Variants in STPG2 observed in about 807,000 individuals in gnomAD.
STPG2 encodes the protein sperm tail PG-rich repeat containing 2, also known as sperm-tail PG-rich repeat-containing protein 2.
In STPG2, 56 loss-of-function variants were observed where a neutral mutation model predicts 54.2. That is an observed-to-expected ratio of 1.03 (90% CI 0.83 to 1.29). The LOEUF (loss-of-function observed/expected upper bound fraction) is 1.29, where lower values mean the gene tolerates loss of function less well. Ranked by LOEUF, STPG2 falls within the 50% of genes most tolerant of loss-of-function variation. The pLI, the probability that STPG2 is intolerant of heterozygous loss-of-function variation, is 0.00. For synonymous variants in STPG2, 200 were observed against 181.8 expected (o/e 1.10, Z -0.81); for missense variants, 596 against 544.9 (o/e 1.09, Z -0.93).
intron 9 of STPG2, among the ~76,000 whole-genome samples, chr4:97,792,042 A>C (rs1048629595): frequency 2.6e-5 from 4 of 152,214 alleles, no homozygotes; most frequent in Non-Finnish European, 5.9e-5. Flanking sequence ...TAAAGAGATG[A>C]CAATTAAAGT....
intron 5 of STPG2, among the ~76,000 whole-genome samples, chr4:98,098,039 A>G (rs1738912773): frequency 6.6e-6 from 1 of 152,172 alleles, no homozygotes; most frequent in Non-Finnish European, 1.5e-5. Flanking sequence ...TAAAATGCCC[A>G]TGATACCCAA....
rs567078446 is a variant in STPG2, at chr4:98,019,460, G to A, written c.613-38142C>T. Among the ~76,000 whole-genome samples the A allele has an allele frequency of 1.1e-3, 169 of 151,958 alleles. 1 individual carries two copies. Among genetic ancestry groups the A allele is most frequent in the South Asian group, 1.9e-3 (9 of 4,808 alleles). On this transcript the variant is annotated intron_variant, in intron 5 of 10. Transcript: ENST00000295268. ...TGAAGTCAGGTAGCATGATGCCTCCGGGTTTATTCTTTTGGCTTAGGATTG... is the reference window on the plus strand; with the variant it reads ...TGAAGTCAGGTAGCATGATGCCTCCAGGTTTATTCTTTTGGCTTAGGATTG...
At chr4:97,824,029 G>A (rs1479178752) in intron 9 of STPG2, among the ~76,000 whole-genome samples, 2 of 152,090 alleles carry the variant, frequency 1.3e-5, no homozygotes, top group African/African-American at 4.8e-5. Context: ...TATTCTCTTT[G>A]GATTAATCTG....
rs185499221 is a variant in STPG2, at chr4:97,758,809, A to G, written c.1205-45995T>C. ...GTAAAATTTTAAAAAAATGACAGAC[A>G]TTTGGTTTTATTTTGTTCTGGCATT... On this transcript the variant is annotated intron_variant, in intron 9 of 10. Transcript: ENST00000295268. Among the ~76,000 whole-genome samples the G allele has an allele frequency of 1.0e-2, 1,519 of 152,164 alleles. 12 individuals carry two copies. The highest frequency in any genetic ancestry group is 0.015 in the Non-Finnish European group (1,003 of 68,004).
intron 1 of STPG2, among the ~76,000 whole-genome samples, chr4:98,141,905 A>G (rs1410671121): frequency 6.8e-6 from 1 of 147,114 alleles, no homozygotes; most frequent in Non-Finnish European, 1.5e-5. Context: ...TTAGGTCCCA[A>G]TCATGTTCCC....
intron 5 of STPG2, among the ~76,000 whole-genome samples, chr4:98,076,711 T>A (rs1195874955): frequency 1.3e-5 from 2 of 152,164 alleles, no homozygotes; most frequent in Non-Finnish European, 2.9e-5. Flanking sequence ...GCCAGCAATA[T>A]CTCTAAAGGT....
Position 98,028,664 on chromosome 4 carries a change from G to A in STPG2, c.613-47346C>T, listed in dbSNP as rs72882656. 3.5e-3 allele frequency among the ~76,000 whole-genome samples: 531 copies of A among 152,082 alleles called. 3 individuals are homozygous for A. Among genetic ancestry groups the A allele is most frequent in the African/African-American group, 0.012 (508 of 41,506 alleles). ...ACCTCATTTAATAGTTCCTTGTTTC[G>A]TTGTGGAGAACAGAGCTACAGAATT... On this transcript the variant is annotated intron_variant, in intron 5 of 10. Transcript: ENST00000295268.
chr4:97,573,305 A>G (rs1340737289), intron 10 of STPG2, among the ~76,000 whole-genome samples: 1 of 152,072 alleles, frequency 6.6e-6, no homozygotes, highest in Non-Finnish European at 1.5e-5. Flanking sequence ...TATAGCTAAT[A>G]TAAGGTTTTA....
In STPG2 at chr4:97,931,534, A is replaced by G. The variant is rs757801944; in HGVS notation, c.1044+12363T>C. Among the ~76,000 whole-genome samples, 141 of 152,206 alleles carry G rather than the reference A, an allele frequency of 9.3e-4. 2 individuals carry two copies. The highest frequency in any genetic ancestry group is 8.7e-4 in the Non-Finnish European group (59 of 68,038). On this transcript the variant is annotated intron_variant, in intron 8 of 10. Transcript: ENST00000295268. ...ACCTTGAATCCTGGAAATAAATCCT[A>G]CTTCATCATGGTGGATTACCTTTTA...
At chr4:97,926,181 A>G (rs1165917666) in intron 8 of STPG2, among the ~76,000 whole-genome samples, 4 of 152,162 alleles carry the variant, frequency 2.6e-5, no homozygotes, top group Non-Finnish European at 5.9e-5. Context: ...ACACCTTTCC[A>G]GACTTTCAGA....
intron 4 of STPG2, among the ~76,000 whole-genome samples, chr4:97,541,416 A>T (rs901238049): frequency 6.6e-6 from 1 of 152,164 alleles, no homozygotes; most frequent in Non-Finnish European, 1.5e-5. Context: ...GTTACAAGGG[A>T]TGTGTAGGAT....
chr4:97,616,071 T>C lies in STPG2; in HGVS notation c.1321-56954A>G, dbSNP rs1161826172. Among the ~76,000 whole-genome samples the C allele has an allele frequency of 5.4e-4, 40 of 74,538 alleles. 1 individual carries two copies. The highest frequency in any genetic ancestry group is 9.0e-4 in the African/African-American group (20 of 22,192). The allele number at this position is 74,538 out of a possible 152,430, so 48.9% of individuals were successfully genotyped here. ...AAATACATATAAATATATATATATATATATATATATATATATATATATATG... is the reference window on the plus strand; with the variant it reads ...AAATACATATAAATATATATATATACATATATATATATATATATATATATG... On this transcript the variant is annotated intron_variant, in intron 10 of 10. Coordinates refer to ENST00000295268, the MANE Select transcript of STPG2 (RefSeq NM_174952.3).
At chr4:97,783,054 G>A (rs1271423806) in intron 9 of STPG2, among the ~76,000 whole-genome samples, 1 of 152,116 alleles carries the variant, frequency 6.6e-6, no homozygotes, top group Non-Finnish European at 1.5e-5. Flanking sequence ...CAAAAGCAAT[G>A]GCAACAAAAG....
At chr4:97,908,676 T>A (rs1165489049) in intron 8 of STPG2, among the ~76,000 whole-genome samples, 5 of 151,748 alleles carry the variant, frequency 3.3e-5, no homozygotes, top group Admixed American at 1.3e-4. Context: ...CATGGAATAC[T>A]ATGCAGCCAT....
intron 9 of STPG2, among the ~76,000 whole-genome samples, chr4:97,749,406 T>C (rs183670868): frequency 1.3e-5 from 2 of 151,816 alleles, no homozygotes; most frequent in Admixed American, 6.6e-5. Flanking sequence ...GGCTATCTAG[T>C]CATCTTAAGA....
Position 98,109,262 on chromosome 4 carries a change from C to G in STPG2, c.431G>C (p.Gly144Ala). The change falls in exon 4 of 11, where the codon GGC becomes GCC. Residue 144 changes from glycine (G) to alanine (A), a missense_variant. Gly to Ala is a moderately conservative substitution (Grantham distance 60, BLOSUM62 0). Coordinates refer to ENST00000295268, the MANE Select transcript of STPG2 (RefSeq NM_174952.3). ...TAACTCTTGTCTTCCTGAAGAGTTG[C>G]CAAAATGTATACCTTTGTATTTCAA... Reference protein sequence around the residue: ...ATLKYKGIHFGNSSGRQELPK... With the variant: ...ATLKYKGIHFANSSGRQELPK... The G allele has an allele frequency of 6.2e-7, 1 of 1,610,478 alleles. No individual in the cohort carries two copies. The highest frequency in any genetic ancestry group is 8.5e-7 in the Non-Finnish European group (1 of 1,178,154).
At chr4:97,958,325 T>A (rs921203933) in intron 7 of STPG2, among the ~76,000 whole-genome samples, 4 of 150,394 alleles carry the variant, frequency 2.7e-5, no homozygotes, top group Admixed American at 1.3e-4. Context: ...AAAAGAAAAG[T>A]AAAGAAAAAA....
At chr4:97,660,584 G>A (rs1004579820) in intron 10 of STPG2, among the ~76,000 whole-genome samples, 3 of 152,136 alleles carry the variant, frequency 2.0e-5, no homozygotes, top group African/African-American at 7.2e-5. Flanking sequence ...ACTAAAAAAT[G>A]GCAATATTTC....
At chr4:98,048,228 TCTTTTAATCTACAA>T (rs1481409312) in intron 5 of STPG2, among the ~76,000 whole-genome samples, 32 of 152,320 alleles carry the variant, frequency 2.1e-4, no homozygotes, top group African/African-American at 7.0e-4. Context: ...CTTGGCTTTC[TCTTTTAATCTACAA>T]GATAAAATAA....
Sources: allele counts gnomAD v4.1 joint callset (sites outside exome capture counted in the v4.1 genomes callset), GRCh38; gene constraint gnomAD v4.1.1; transcripts MANE v1.5; gene names NCBI Gene and HGNC (gene_info 2026-07-23, HGNC 2026-07-21).